SYT2: variants seen among roughly 807,000 people sequenced by gnomAD.
The protein encoded by SYT2 is synaptotagmin 2, also known as synaptotagmin-2.
SYT2 carries 15 observed loss-of-function variants against 39.9 expected under a neutral mutation model. The observed-to-expected ratio is 0.38, with a 90% CI of 0.25 to 0.58. The LOEUF is 0.58. Ranked by LOEUF, SYT2 falls within the 20% of genes least tolerant of loss-of-function variation. The pLI, the probability that SYT2 is intolerant of heterozygous loss-of-function variation, is 0.70. For synonymous variants in SYT2, 181 were observed against 204.5 expected (o/e 0.89, Z 0.98); for missense variants, 389 against 530.3 (o/e 0.73, Z 2.62).
chr1:202,624,230 TGTGTA>T (rs1480234086), intron 1 of SYT2, among the ~76,000 whole-genome samples: 2 of 146,498 alleles, frequency 1.4e-5, no homozygotes, highest in Non-Finnish European at 3.0e-5. Flanking sequence ...GTGTGCTGTA[TGTGTA>T]GTGTGTGTGA....
chr1:202,596,573 C>G lies in SYT2; in HGVS notation c.*184G>C. On this transcript the variant is annotated 3_prime_UTR_variant, in exon 9 of 9. Coordinates refer to ENST00000367268, the MANE Select transcript of SYT2 (RefSeq NM_177402.5). The stretch of plus-strand genomic sequence containing the variant: ...GGCTTCTCTTTCACCTCTTAGGGGA[C>G]TCTCCTCACACAGCCATCAAAGGGA... 1 of 607,010 alleles carries G rather than the reference C, an allele frequency of 1.6e-6. No homozygotes were observed. The highest frequency in any genetic ancestry group is 2.8e-6 in the Non-Finnish European group (1 of 351,938). The allele number at this position is 607,010 out of a possible 1,614,324, so 37.6% of individuals were successfully genotyped here.
intron 1 of SYT2, among the ~76,000 whole-genome samples, chr1:202,693,801 T>C (rs1653904503): frequency 6.6e-6 from 1 of 152,210 alleles, no homozygotes; most frequent in South Asian, 2.1e-4. Flanking sequence ...AAGAAATACC[T>C]GAGGCTGGTA....
chr1:202,609,911 T>C (rs1690839900), intron 1 of SYT2, among the ~76,000 whole-genome samples: 1 of 152,280 alleles, frequency 6.6e-6, no homozygotes, highest in Non-Finnish European at 1.5e-5. Context: ...TTTGTCTATT[T>C]TGGCTTTTGT....
chr1:202,644,616 T>C (rs980562194), intron 1 of SYT2, among the ~76,000 whole-genome samples: 1 of 151,986 alleles, frequency 6.6e-6, no homozygotes, highest in African/African-American at 2.4e-5. Context: ...TGCTTTCTGT[T>C]TGCCTTCCAC....
intron 1 of SYT2, among the ~76,000 whole-genome samples, chr1:202,694,772 C>G (rs1373757850): frequency 6.6e-6 from 1 of 151,742 alleles, no homozygotes; most frequent in Non-Finnish European, 1.5e-5. Context: ...ATTCCTCCCT[C>G]TACCCCTCTC....
rs1304649015 is a variant in SYT2 at position 202,649,252 on chromosome 1, A to G, written c.-17-43463T>C. Among the ~76,000 whole-genome samples the G allele has an allele frequency of 2.0e-5, 3 of 152,324 alleles. No homozygotes were observed. In the East Asian group the frequency reaches 5.8e-4, roughly 29 times the overall value. Reference sequence around the variant, plus strand: ...GCCCAGACAGTATGAGCATGTGTACATGAGCTTTAGGGGTCTCCCAGATCA... The same window carrying G: ...GCCCAGACAGTATGAGCATGTGTACGTGAGCTTTAGGGGTCTCCCAGATCA... On this transcript the variant is annotated intron_variant, in intron 1 of 8. Transcript: ENST00000367268.
chr1:202,678,900 ACGCCCTACATTCTGACACACAT>A (rs1278694709), intron 1 of SYT2, among the ~76,000 whole-genome samples: 1 of 149,386 alleles, frequency 6.7e-6, no homozygotes, highest in African/African-American at 2.6e-5. Context: ...TACTGACCCA[ACGCCCTACATTCTGACACACAT>A]CGCCCTACAT....
chr1:202,619,623 T>C (rs1639685848), intron 1 of SYT2, among the ~76,000 whole-genome samples: 1 of 152,174 alleles, frequency 6.6e-6, no homozygotes, highest in Non-Finnish European at 1.5e-5. Flanking sequence ...GGGATCTGCA[T>C]TGTAACAACA....
At chr1:202,674,217 T>C (rs893473608) in intron 1 of SYT2, among the ~76,000 whole-genome samples, 13 of 152,192 alleles carry the variant, frequency 8.5e-5, no homozygotes, top group Admixed American at 8.5e-4. Context: ...TTCTCGTGCC[T>C]CAGCCTCCTG....
At chr1:202,708,470 G>C (rs1274648067) in intron 1 of SYT2, among the ~76,000 whole-genome samples, 1 of 152,042 alleles carries the variant, frequency 6.6e-6, no homozygotes, top group African/African-American at 2.4e-5. Flanking sequence ...GCCTCTGGGG[G>C]GAGTCCTAGA....
chr1:202,704,810 C>T (rs1281617509), intron 1 of SYT2, among the ~76,000 whole-genome samples: 1 of 152,206 alleles, frequency 6.6e-6, no homozygotes, highest in Non-Finnish European at 1.5e-5. Flanking sequence ...CTGGATTCAG[C>T]GGGGTGTCCC....
chr1:202,615,404 C>A (rs1691006325), intron 1 of SYT2, among the ~76,000 whole-genome samples: 1 of 152,130 alleles, frequency 6.6e-6, no homozygotes, highest in African/African-American at 2.4e-5. Flanking sequence ...GGTCATCCTT[C>A]CCATCCATGT....
chr1:202,639,255 C>A (rs1691833794), intron 1 of SYT2, among the ~76,000 whole-genome samples: 1 of 152,194 alleles, frequency 6.6e-6, no homozygotes, highest in South Asian at 2.1e-4. Flanking sequence ...GTATCTAGAT[C>A]AGGAAGTTCC....
intron 1 of SYT2, among the ~76,000 whole-genome samples, chr1:202,700,502 C>T (rs1277587102): frequency 1.3e-5 from 2 of 152,240 alleles, no homozygotes; most frequent in African/African-American, 4.8e-5. Context: ...TCCATAGTTA[C>T]CATATTCAAA....
intron 1 of SYT2, among the ~76,000 whole-genome samples, chr1:202,641,821 C>T (rs1196576694): frequency 2.0e-5 from 3 of 152,230 alleles, no homozygotes; most frequent in African/African-American, 7.2e-5. Context: ...CTGTCACAGC[C>T]AACCTTTCTC....
chr1:202,655,557 G>A (rs1460201782), intron 1 of SYT2, among the ~76,000 whole-genome samples: 2 of 152,076 alleles, frequency 1.3e-5, no homozygotes, highest in Non-Finnish European at 2.9e-5. Context: ...CCCAACCTAC[G>A]TGACCCTTGC....
intron 1 of SYT2, among the ~76,000 whole-genome samples, chr1:202,611,725 T>G (rs559875416): frequency 1.3e-5 from 2 of 152,342 alleles, no homozygotes; most frequent in East Asian, 3.9e-4. Flanking sequence ...CCAATTTAGC[T>G]GTTTCTTTTG....
At chr1:202,658,342 G>A (rs1331279987) in intron 1 of SYT2, among the ~76,000 whole-genome samples, 1 of 152,168 alleles carries the variant, frequency 6.6e-6, no homozygotes, top group Admixed American at 6.5e-5. Context: ...GTGCGGCAAG[G>A]GCAGTAGAGG....
chr1:202,622,570 C>T (rs538969810), intron 1 of SYT2, among the ~76,000 whole-genome samples: 1 of 152,254 alleles, frequency 6.6e-6, no homozygotes, highest in East Asian at 1.9e-4. Context: ...TTCCAGGCCA[C>T]CTGATGGGCG....
Sources: allele counts gnomAD v4.1 joint callset (sites outside exome capture counted in the v4.1 genomes callset), GRCh38; gene constraint gnomAD v4.1.1; transcripts MANE v1.5; gene names NCBI Gene and HGNC (gene_info 2026-07-23, HGNC 2026-07-21).